Variants in CCDC3 observed in about 807,000 individuals in gnomAD.
CCDC3 encodes the protein coiled-coil domain-containing protein 3.
In CCDC3, 24 loss-of-function variants were observed where a neutral mutation model predicts 21.4. That is an observed-to-expected ratio of 1.12 (90% CI 0.81 to 1.58). The LOEUF (loss-of-function observed/expected upper bound fraction) is 1.58, where lower values mean the gene tolerates loss of function less well. Ranked by LOEUF, CCDC3 falls within the 40% of genes most tolerant of loss-of-function variation. CCDC3 has a pLI of 0.00. For synonymous variants in CCDC3, 186 were observed against 166.0 expected, an observed-to-expected ratio of 1.12 and a Z score of -0.93; for missense variants, 425 against 360.9, an observed-to-expected ratio of 1.18 and a Z score of -1.44.
At chr10:12,933,245 T>C (rs1834679102) in intron 2 of CCDC3, among the ~76,000 whole-genome samples, 1 of 152,204 alleles carries the variant, frequency 6.6e-6, no homozygotes, top group Non-Finnish European at 1.5e-5. Context: ...TTCTTACGTG[T>C]TCAGTAGCAT....
At chr10:12,996,975 T>C (rs577606043) in intron 2 of CCDC3, among the ~76,000 whole-genome samples, 25 of 152,220 alleles carry the variant, frequency 1.6e-4, no homozygotes, top group Non-Finnish European at 3.1e-4. Flanking sequence ...TCAGGTACTG[T>C]GCTCACTACC....
chr10:13,040,354 G>A (rs1836436127), intron 5 of CCDC3, among the ~76,000 whole-genome samples: 1 of 152,210 alleles, frequency 6.6e-6, no homozygotes, highest in Non-Finnish European at 1.5e-5. Context: ...ACAAAAGGAA[G>A]TGAGCCTTAT....
intron 2 of CCDC3, among the ~76,000 whole-genome samples, chr10:12,940,928 T>C (rs1355231229): frequency 2.0e-5 from 3 of 150,482 alleles, no homozygotes; most frequent in Admixed American, 6.6e-5. Context: ...TGAGTAGGAA[T>C]TGCTGATCTT....
chr10:13,006,391 T>A (rs1835924860), upstream of CCDC3, among the ~76,000 whole-genome samples: 1 of 152,188 alleles, frequency 6.6e-6, no homozygotes, highest in Non-Finnish European at 1.5e-5. Flanking sequence ...AGCCACCACC[T>A]CATTAAGTTC....
chr10:12,919,780 TG>T (rs1288637158), intron 2 of CCDC3, among the ~76,000 whole-genome samples: 1 of 152,148 alleles, frequency 6.6e-6, no homozygotes, highest in South Asian at 2.1e-4. Flanking sequence ...TAGCCCGAGA[TG>T]GCATGCAGCT....
chr10:12,940,616 C>T (rs1834813480), intron 2 of CCDC3, among the ~76,000 whole-genome samples: 1 of 152,166 alleles, frequency 6.6e-6, no homozygotes, highest in Non-Finnish European at 1.5e-5. Context: ...CCTTACCTTA[C>T]AGAATAATCG....
intron 2 of CCDC3, among the ~76,000 whole-genome samples, chr10:12,926,736 T>C (rs1273135021): frequency 6.6e-6 from 1 of 152,198 alleles, no homozygotes; most frequent in Non-Finnish European, 1.5e-5. Context: ...GAAAAAGTTA[T>C]ATAGGTATAT....
chr10:13,066,903 C>T (rs1373742471), intron 4 of CCDC3, among the ~76,000 whole-genome samples: 1 of 152,154 alleles, frequency 6.6e-6, no homozygotes, highest in African/African-American at 2.4e-5. Context: ...ATAAAACCCT[C>T]CTCTGCCCAC....
chr10:13,070,532 G>A (rs1280715134), intron 4 of CCDC3, among the ~76,000 whole-genome samples: 1 of 152,134 alleles, frequency 6.6e-6, no homozygotes, highest in African/African-American at 2.4e-5. Flanking sequence ...CCCCATACAG[G>A]GTTCCTAACC....
intron 5 of CCDC3, among the ~76,000 whole-genome samples, chr10:13,035,278 G>C (rs999184535): frequency 6.6e-6 from 1 of 151,920 alleles, no homozygotes; most frequent in Non-Finnish European, 1.5e-5. Context: ...CTAACTTCCT[G>C]AAAGCTAGAT....
At chr10:12,992,267 G>A (rs1340777874) in intron 2 of CCDC3, among the ~76,000 whole-genome samples, 4 of 152,024 alleles carry the variant, frequency 2.6e-5, no homozygotes, top group Non-Finnish European at 5.9e-5. Flanking sequence ...CTGGGCGCCT[G>A]TAGTCCCAGC....
intron 2 of CCDC3, among the ~76,000 whole-genome samples, chr10:12,958,165 T>C (rs1162223968): frequency 6.6e-6 from 1 of 152,146 alleles, no homozygotes; most frequent in Non-Finnish European, 1.5e-5. Flanking sequence ...GTCTCAGATA[T>C]TTCTTTATAG....
Position 13,001,573 on chromosome 10 carries a change from C to G in CCDC3, c.-3G>C. On this transcript the variant is annotated 5_prime_UTR_variant, in exon 1 of 3. Transcript: ENST00000378825. Reference sequence around the variant, plus strand: ...GCGAGCAGCAGCTGGCGCAGCATGCCGGGCCCTCCCGGGGCGCACGGGGCG... The same window carrying G: ...GCGAGCAGCAGCTGGCGCAGCATGCGGGGCCCTCCCGGGGCGCACGGGGCG... The G allele has an allele frequency of 8.3e-7, 1 of 1,211,858 alleles. No homozygotes were observed. The highest frequency in any genetic ancestry group is 1.0e-6 in the Non-Finnish European group (1 of 975,474). 75.1% of individuals were successfully genotyped at this position (1,211,858 alleles called of 1,614,324 possible).
intron 5 of CCDC3, among the ~76,000 whole-genome samples, chr10:13,024,108 C>T (rs1836185327): frequency 6.6e-6 from 1 of 152,064 alleles, no homozygotes; most frequent in Non-Finnish European, 1.5e-5. Flanking sequence ...CTGAGATATC[C>T]TTCTTTTTCC....
chr10:12,916,601 CAGAG>C lies in CCDC3; in HGVS notation c.550-17926_550-17923del, dbSNP rs780831418. ...CGCCACTGCACTCCAGCCTGGGTGACAGAGAGAGACTCCATCTCAGAAAAAAAAA... is the reference window on the plus strand; with the variant it reads ...CGCCACTGCACTCCAGCCTGGGTGACAGAGACTCCATCTCAGAAAAAAAAA... On this transcript the variant is annotated intron_variant, in intron 2 of 2. Transcript: ENST00000378825. 2.0e-4 allele frequency among the ~76,000 whole-genome samples: 27 copies of C among 138,342 alleles called. 1 individual carries two copies. The highest frequency in any genetic ancestry group is 1.7e-3 in the Admixed American group (23 of 13,346). 90.8% of individuals were successfully genotyped at this position (138,342 alleles called of 152,430 possible). A position where few individuals can be genotyped will look rare whatever the true frequency, so the allele number is the denominator to read the frequency against.
At chr10:13,045,775 A>G (rs1836517252) in intron 5 of CCDC3, among the ~76,000 whole-genome samples, 1 of 152,178 alleles carries the variant, frequency 6.6e-6, no homozygotes, top group Admixed American at 6.5e-5. Flanking sequence ...CGTAAGCACT[A>G]TAAAACTTTT....
intron 2 of CCDC3, among the ~76,000 whole-genome samples, chr10:12,997,119 C>T (rs73583883): frequency 0.02 from 3,077 of 152,000 alleles, 119 homozygotes; most frequent in African/African-American, 0.071. Context: ...TAAGGGGATT[C>T]GGAAGAACAA....
At chr10:13,063,498 T>C (rs1047748737) in intron 4 of CCDC3, among the ~76,000 whole-genome samples, 5 of 152,230 alleles carry the variant, frequency 3.3e-5, no homozygotes, top group African/African-American at 1.2e-4. Context: ...GCTTTATGTG[T>C]GTAGATGTTT....
intron 2 of CCDC3, among the ~76,000 whole-genome samples, chr10:12,913,410 C>T (rs1834300481): frequency 6.6e-6 from 1 of 152,144 alleles, no homozygotes; most frequent in African/African-American, 2.4e-5. Context: ...AGAAATACTA[C>T]TGATTTTTGT....
Sources: allele counts gnomAD v4.1 joint callset (sites outside exome capture counted in the v4.1 genomes callset), GRCh38; gene constraint gnomAD v4.1.1; transcripts MANE v1.5; gene names NCBI Gene and HGNC (gene_info 2026-07-23, HGNC 2026-07-21).